RBM20: variants seen among roughly 807,000 people sequenced by gnomAD.
The protein encoded by RBM20 is RNA binding motif protein 20.
RBM20 carries 51 observed loss-of-function variants against 110.1 expected under a neutral mutation model. The ratio of observed to expected loss-of-function variants is 0.46; its 90% confidence interval spans 0.37 to 0.59. The LOEUF is 0.59. Among genes scored for constraint, RBM20 ranks in the 20% least tolerant of loss-of-function variants. The probability of loss-of-function intolerance (pLI) is 0.00; values close to 1 mark genes in which losing one functional copy is unlikely to be tolerated. For synonymous variants in RBM20, 589 were observed against 618.2 expected, an observed-to-expected ratio of 0.95 and a Z score of 0.70; for missense variants, 1,512 against 1,574.9, an observed-to-expected ratio of 0.96 and a Z score of 0.68.
At position 110,721,930 on chromosome 10, in the gene RBM20, G is replaced by A. The variant is rs1843511537; in HGVS notation, c.192-58871G>A. 4.7e-5 allele frequency among the ~76,000 whole-genome samples: 7 copies of A among 149,256 alleles called. No individual in the cohort carries two copies. The South Asian group carries it at 1.5e-3, about 31-fold the overall frequency. On this transcript the variant is annotated intron_variant, in intron 1 of 13. Transcript: ENST00000369519. ...GTATTAGAACAAGGCATACTGGGGT[G>A]TCAGGGGCAGAGATTTATCTCCTCT...
intron 1 of RBM20, among the ~76,000 whole-genome samples, chr10:110,696,389 G>A (rs1862664052): frequency 6.6e-6 from 1 of 152,188 alleles, no homozygotes; most frequent in Non-Finnish European, 1.5e-5. Flanking sequence ...AAATACAGAT[G>A]GGGTTGGGAG....
intron 1 of RBM20, among the ~76,000 whole-genome samples, chr10:110,760,635 G>C (rs571168709): frequency 1.3e-5 from 2 of 149,470 alleles, no homozygotes; most frequent in African/African-American, 4.9e-5. Context: ...GAGACGCAGG[G>C]TTTCAACATG....
chr10:110,670,675 C>T (rs1862244264), intron 1 of RBM20, among the ~76,000 whole-genome samples: 1 of 152,184 alleles, frequency 6.6e-6, no homozygotes, highest in African/African-American at 2.4e-5. Context: ...TAGAACCATC[C>T]CTGTTACAGG....
chr10:110,659,704 TTC>T (rs71776529), intron 1 of RBM20, among the ~76,000 whole-genome samples: 23,226 of 151,868 alleles, frequency 0.15, 2,826 homozygotes, highest in African/African-American at 0.32. Flanking sequence ...TTCAAGCAAT[TTC>T]TGTTCTTTTT....
rs1243318548 is a variant in RBM20, at chr10:110,644,777, C to T, written c.191+132C>T. The T allele has an allele frequency of 7.7e-6, 5 of 647,370 alleles. No individual in the cohort carries two copies. Among genetic ancestry groups the T allele is most frequent in the Admixed American group, 7.4e-5 (2 of 26,868 alleles). 40.1% of individuals were successfully genotyped at this position (647,370 alleles called of 1,614,324 possible). A position where few individuals can be genotyped will look rare whatever the true frequency, so the allele number is the denominator to read the frequency against. On this transcript the variant is annotated intron_variant, in intron 1 of 13. Transcript: ENST00000369519. The surrounding 1 kb of genome is among the most constrained non-coding windows in gnomAD (Gnocchi z 4.3). The stretch of plus-strand genomic sequence containing the variant: ...CTTGGGTTTGAAGTTTTCTCGTACC[C>T]CCTCTGGGCAGAGTCGGTGTCCTTC...
At chr10:110,830,039 CT>C (rs1564667502) in intron 12 of RBM20, among the ~76,000 whole-genome samples, 1 of 152,230 alleles carries the variant, frequency 6.6e-6, no homozygotes, top group African/African-American at 2.4e-5. Flanking sequence ...AGTCAGGTGC[CT>C]GGTAAACAGG....
At position 110,820,146 on chromosome 10, in the gene RBM20, C is replaced by A; in HGVS notation, c.2625C>A (p.Phe875Leu). Reference protein sequence around the residue: ...SVGRQEKEAEFSDPENTRTKK... With the variant: ...SVGRQEKEAELSDPENTRTKK... ...GCAGACAGGAGAAAGAAGCAGAGTT[C>A]TCTGATCCGGAAAACACAAGGACAA... The change falls in exon 10 of 14, where the codon TTC becomes TTA. Residue 875 changes from phenylalanine (F) to leucine (L), a missense_variant. By Grantham distance (22) the Phe-to-Leu change is conservative. Coordinates refer to ENST00000369519, the MANE Select transcript of RBM20 (RefSeq NM_001134363.3). The A allele has an allele frequency of 6.4e-7, 1 of 1,551,402 alleles. No homozygotes were observed. The highest frequency in any genetic ancestry group is 8.7e-7 in the Non-Finnish European group (1 of 1,146,750).
intron 13 of RBM20, among the ~76,000 whole-genome samples, chr10:110,831,671 A>AC (rs1184881377): frequency 1.3e-4 from 18 of 136,512 alleles, no homozygotes; most frequent in African/African-American, 3.9e-4. Flanking sequence ...TAGAATAAAA[A>AC]AAAAAAAAAA....
At chr10:110,666,223 T>C (rs1447606783) in intron 1 of RBM20, among the ~76,000 whole-genome samples, 1 of 152,252 alleles carries the variant, frequency 6.6e-6, no homozygotes, top group Non-Finnish European at 1.5e-5. Context: ...TACCTTTGTA[T>C]AATTTGAAAG....
intron 1 of RBM20, among the ~76,000 whole-genome samples, chr10:110,758,203 G>C (rs1843946987): frequency 6.6e-6 from 1 of 151,474 alleles, no homozygotes; most frequent in South Asian, 2.1e-4. Flanking sequence ...ATTTTTTGTA[G>C]AGATGGGTTA....
intron 1 of RBM20, among the ~76,000 whole-genome samples, chr10:110,724,325 G>T (rs1009116733): frequency 2.6e-5 from 4 of 152,240 alleles, no homozygotes; most frequent in Admixed American, 6.5e-5. Flanking sequence ...CCAACAGGTT[G>T]CAGGCTGCTC....
At position 110,763,096 on chromosome 10, in the gene RBM20, A is replaced by C. The variant is rs1358582269; in HGVS notation, c.192-17705A>C. Among the ~76,000 whole-genome samples, 4 of 152,320 alleles carry C rather than the reference A, an allele frequency of 2.6e-5. No individual in the cohort carries two copies. In the East Asian group the frequency reaches 7.7e-4, roughly 29 times the overall value. The stretch of plus-strand genomic sequence containing the variant: ...CCTGTGGGCTGTGACTAAATTAGGA[A>C]GAAAAAGCCTTTGGGCTCTCCTGGG... On this transcript the variant is annotated intron_variant, in intron 1 of 13. Coordinates refer to ENST00000369519, the MANE Select transcript of RBM20 (RefSeq NM_001134363.3).
intron 1 of RBM20, among the ~76,000 whole-genome samples, chr10:110,715,439 G>C (rs1234058271): frequency 1.3e-5 from 2 of 152,194 alleles, no homozygotes; most frequent in Non-Finnish European, 2.9e-5. Context: ...TGTTGGTTGA[G>C]TACTGTAGAT....
chr10:110,644,522 C>G lies in RBM20; in HGVS notation c.68C>G (p.Ala23Gly). ...PSGPEQPDRV[A>G]CSVPGARASP... ...GGTCCGGAGCAGCCGGACAGAGTTG[C>G]CTGCAGTGTGCCTGGTGCCCGGGCG... Residue 23 changes from alanine to glycine, a missense_variant, in exon 1 of 14, where the codon GCC becomes GGC. By Grantham distance (60) the Ala-to-Gly change is moderately conservative. Coordinates refer to ENST00000369519, the MANE Select transcript of RBM20 (RefSeq NM_001134363.3). The surrounding 1 kb of genome is among the most constrained non-coding windows in gnomAD (Gnocchi z 4.3). The G allele has an allele frequency of 6.5e-7, 1 of 1,529,706 alleles. No individual in the cohort carries two copies. Among genetic ancestry groups the G allele is most frequent in the Non-Finnish European group, 8.8e-7 (1 of 1,141,596 alleles). The allele number at this position is 1,529,706 out of a possible 1,614,324, so 94.8% of individuals were successfully genotyped here. A position where few individuals can be genotyped will look rare whatever the true frequency, so the allele number is the denominator to read the frequency against.
chr10:110,766,340 T>TTTTTTGA (rs1424601651), intron 1 of RBM20, among the ~76,000 whole-genome samples: 20 of 151,284 alleles, frequency 1.3e-4, no homozygotes, highest in Admixed American at 1.3e-3. Context: ...TTGTTTTTTG[T>TTTTTTGA]TTTAATTGAT....
chr10:110,768,281 A>C (rs532126115), intron 1 of RBM20, among the ~76,000 whole-genome samples: 3 of 147,010 alleles, frequency 2.0e-5, no homozygotes, highest in African/African-American at 5.1e-5. Context: ...GAACTTTCTT[A>C]TGGCCACAGC....
intron 5 of RBM20, among the ~76,000 whole-genome samples, chr10:110,795,734 T>A (rs539551008): frequency 6.6e-6 from 1 of 152,326 alleles, no homozygotes; most frequent in East Asian, 1.9e-4. Flanking sequence ...AATTATATCC[T>A]TCTCTTCCAC....
intron 1 of RBM20, among the ~76,000 whole-genome samples, chr10:110,654,015 A>C (rs1041907144): frequency 1.3e-5 from 2 of 152,188 alleles, no homozygotes; most frequent in Non-Finnish European, 2.9e-5. Flanking sequence ...ATAGGCTAAG[A>C]GTTTGACCCC....
chr10:110,811,471 A>T (rs895640044), intron 8 of RBM20, among the ~76,000 whole-genome samples: 11 of 152,066 alleles, frequency 7.2e-5, no homozygotes, highest in African/African-American at 1.4e-4. Context: ...CTGTTTTTTT[A>T]AAAAAATTCT....
Sources: gnomAD v4.1 joint callset for allele counts (sites outside exome capture counted in the v4.1 genomes callset) on GRCh38, gnomAD v4.1.1 for gene constraint, Gnocchi (gnomAD v3.1) non-coding constraint, MANE v1.5 for transcripts, NCBI Gene and HGNC (gene_info 2026-07-23, HGNC 2026-07-21) for gene names.